Variants in DCLK1 observed in about 807,000 individuals in gnomAD.
DCLK1 encodes the protein doublecortin like kinase 1, also known as serine/threonine-protein kinase DCLK1.
In DCLK1, 16 loss-of-function variants were observed where a neutral mutation model predicts 86.2. The observed-to-expected ratio is 0.19, with a 90% confidence interval of 0.13 to 0.28. DCLK1 has a LOEUF of 0.28. Ranked by LOEUF, DCLK1 falls within the 10% of genes least tolerant of loss-of-function variation. DCLK1 has a pLI of 1.00. For synonymous variants in DCLK1, 369 were observed against 370.5 expected (o/e 1.00, Z 0.05); for missense variants, 590 against 940.2 (o/e 0.63, Z 4.87).
chr13:35,989,861 C>T (rs899474062), intron 3 of DCLK1, among the ~76,000 whole-genome samples: 2 of 152,018 alleles, frequency 1.3e-5, no homozygotes, highest in African/African-American at 4.8e-5. Flanking sequence ...AAAACATCAC[C>T]TTTATAAAGA....
At chr13:35,892,935 A>G (rs896959554) in intron 4 of DCLK1, among the ~76,000 whole-genome samples, 9 of 152,252 alleles carry the variant, frequency 5.9e-5, no homozygotes, top group African/African-American at 9.6e-5. Context: ...CCAGAGGAAG[A>G]AAGAGGCATC....
At chr13:36,047,985 T>C (rs1489944373) in intron 3 of DCLK1, among the ~76,000 whole-genome samples, 2 of 152,136 alleles carry the variant, frequency 1.3e-5, no homozygotes, top group African/African-American at 2.4e-5. Flanking sequence ...ATATATCGTA[T>C]ACTTGGAAAC....
intron 4 of DCLK1, among the ~76,000 whole-genome samples, chr13:35,882,240 CT>C (rs1349873842): frequency 6.6e-6 from 1 of 152,152 alleles, no homozygotes; most frequent in African/African-American, 2.4e-5. Flanking sequence ...ACATGGACTT[CT>C]CTGTGTGTCT....
chr13:36,130,335 T>C (rs939362653), intron 1 of DCLK1, among the ~76,000 whole-genome samples: 2 of 152,146 alleles, frequency 1.3e-5, no homozygotes, highest in African/African-American at 4.8e-5. Context: ...CTGGACACAC[T>C]CACAGGTGCA....
intron 6 of DCLK1, among the ~76,000 whole-genome samples, chr13:35,841,215 T>C (rs1187860646): frequency 1.3e-5 from 2 of 152,296 alleles, no homozygotes; most frequent in East Asian, 1.9e-4. Flanking sequence ...TTTCACCAAA[T>C]TAATAGAGCA....
intron 3 of DCLK1, among the ~76,000 whole-genome samples, chr13:35,997,597 C>T (rs1474833288): frequency 6.6e-6 from 1 of 152,146 alleles, no homozygotes; most frequent in African/African-American, 2.4e-5. Flanking sequence ...TCAGTCCTAA[C>T]CTAAAAATGA....
intron 10 of DCLK1, among the ~76,000 whole-genome samples, chr13:35,825,733 T>C (rs1023788205): frequency 6.6e-6 from 1 of 152,218 alleles, no homozygotes; most frequent in East Asian, 1.9e-4. Flanking sequence ...TTTACAATGT[T>C]GGTAAAAAGA....
At chr13:36,012,562 C>T (rs1417957230) in intron 3 of DCLK1, among the ~76,000 whole-genome samples, 1 of 143,768 alleles carries the variant, frequency 7.0e-6, no homozygotes, top group Non-Finnish European at 1.5e-5. Flanking sequence ...GGCCCCCACT[C>T]TCTTCTGGCT....
intron 3 of DCLK1, among the ~76,000 whole-genome samples, chr13:36,078,196 T>C (rs567210439): frequency 2.9e-4 from 44 of 152,188 alleles, no homozygotes; most frequent in Non-Finnish European, 5.6e-4. Context: ...AAGAGGGTCC[T>C]GAATAAGAAC....
At chr13:35,784,903 G>T (rs143382262) in intron 16 of DCLK1, among the ~76,000 whole-genome samples, 4 of 152,174 alleles carry the variant, frequency 2.6e-5, no homozygotes, top group African/African-American at 9.6e-5. Context: ...TGGCTTCCAG[G>T]GGAACAGTTT....
chr13:35,809,036 C>T lies in DCLK1; in HGVS notation c.1748G>A (p.Gly583Asp). The part of the protein sequence containing the change: ...AGVITYILLC[G>D]FPPFRGSGDD... ...CCCATACCCACGGAATGGAGGGAAACCACACAGCAGGATATAAGTGATTAC... is the reference window on the plus strand; with the variant it reads ...CCCATACCCACGGAATGGAGGGAAATCACACAGCAGGATATAAGTGATTAC... The change falls in exon 13 of 17, where the codon GGT becomes GAT. Residue 583 changes from glycine to aspartate, a missense_variant. By Grantham distance (94) the Gly-to-Asp change is moderately conservative. Around this residue, in one of 6 missense-constraint regions of DCLK1, gnomAD observed 28 missense variants for 77.1 expected, o/e 0.36. Transcript: ENST00000360631. The T allele has an allele frequency of 6.2e-7, 1 of 1,611,920 alleles. No individual in the cohort carries two copies. The highest frequency in any genetic ancestry group is 8.5e-7 in the Non-Finnish European group (1 of 1,178,580).
At chr13:36,064,004 A>G (rs950717878) in intron 3 of DCLK1, among the ~76,000 whole-genome samples, 3 of 152,226 alleles carry the variant, frequency 2.0e-5, no homozygotes, top group African/African-American at 7.2e-5. Context: ...AACTGTAATT[A>G]GCCTATAATA....
At chr13:36,059,383 C>T (rs962959410) in intron 3 of DCLK1, among the ~76,000 whole-genome samples, 4 of 152,090 alleles carry the variant, frequency 2.6e-5, no homozygotes, top group African/African-American at 9.7e-5. Flanking sequence ...AGAAACTTGG[C>T]ATTTAAATAA....
chr13:35,912,080 G>C (rs144373200), intron 4 of DCLK1, among the ~76,000 whole-genome samples: 15 of 152,290 alleles, frequency 9.8e-5, no homozygotes, highest in Non-Finnish European at 2.2e-4. Flanking sequence ...CTGCCCCACA[G>C]TAAAGCTCAA....
At chr13:35,961,436 C>A (rs1481960842) in intron 3 of DCLK1, among the ~76,000 whole-genome samples, 1 of 152,188 alleles carries the variant, frequency 6.6e-6, no homozygotes, top group African/African-American at 2.4e-5. Flanking sequence ...TCTGGTCTAA[C>A]AGCTGTTAGA....
rs373205352 is a variant in DCLK1 at position 35,836,017 on chromosome 13, A to G, written c.1229+16T>C. The G allele has an allele frequency of 6.4e-5, 100 of 1,556,474 alleles. No individual in the cohort carries two copies. Among genetic ancestry groups the G allele is most frequent in the Admixed American group, 3.5e-5 (2 of 56,916 alleles). ...ATGTAACCTTTAAGGTTTGATGCAA[A>G]TGATATCCTTCTCACCTTTCTACAC... On this transcript the variant is annotated intron_variant, in intron 8 of 16. Coordinates refer to ENST00000360631, the MANE Select transcript of DCLK1 (RefSeq NM_001330071.2).
intron 3 of DCLK1, among the ~76,000 whole-genome samples, chr13:36,071,013 C>G (rs1189022739): frequency 6.6e-6 from 1 of 152,136 alleles, no homozygotes; most frequent in African/African-American, 2.4e-5. Flanking sequence ...CTTGCTTGGC[C>G]TCCAAGCTAG....
intron 4 of DCLK1, among the ~76,000 whole-genome samples, chr13:35,944,236 C>A (rs925129433): frequency 5.9e-5 from 9 of 152,186 alleles, no homozygotes; most frequent in Non-Finnish European, 1.5e-5. Flanking sequence ...AAATCCTGAA[C>A]TCACTGGGAG....
At chr13:35,936,591 T>C (rs1171090) in intron 4 of DCLK1, among the ~76,000 whole-genome samples, 114,270 of 152,148 alleles carry the variant, frequency 0.75, 43,061 homozygotes, top group Admixed American at 0.82. Flanking sequence ...ACTGGAAGAT[T>C]GTAAGTGCTT....
Sources: gnomAD v4.1 joint callset for allele counts (sites outside exome capture counted in the v4.1 genomes callset) on GRCh38, gnomAD v4.1.1 for gene constraint, gnomAD v4.1.1 regional missense constraint, MANE v1.5 for transcripts, NCBI Gene and HGNC (gene_info 2026-07-23, HGNC 2026-07-21) for gene names.